The following BIRC5 variants were observed in gnomAD, a reference collection of about 807,000 sequenced individuals.
The protein encoded by BIRC5 is baculoviral IAP repeat-containing protein 5.
A neutral mutation model predicts 15.8 loss-of-function variants in BIRC5; 8 were observed. That is an observed-to-expected ratio of 0.51 (90% CI 0.30 to 0.91). The LOEUF is 0.91. BIRC5 is among the 40% of genes least tolerant of loss of function. BIRC5 has a pLI of 0.07. For synonymous variants in BIRC5, 56 were observed against 64.5 expected (o/e 0.87, Z 0.63); for missense variants, 163 against 178.6 (o/e 0.91, Z 0.50).
chr17:78,214,801 C>T lies in BIRC5; in HGVS notation c.221+12C>T. ...GATGACGACCCCATGTAAGTCTTCT[C>T]TGGCCAGCCTCGATGGGCTTTGTTT... On this transcript the variant is annotated intron_variant, in intron 2 of 3. Coordinates refer to ENST00000350051, the MANE Select transcript of BIRC5 (RefSeq NM_001168.3). 6.2e-7 allele frequency: 1 copy of T among 1,603,248 alleles called. No homozygotes were observed. The highest frequency in any genetic ancestry group is 1.1e-5 in the South Asian group (1 of 89,498).
At chr17:78,222,672 A>T (rs1442797583) in intron 3 of BIRC5, among the ~76,000 whole-genome samples, 1 of 152,208 alleles carries the variant, frequency 6.6e-6, no homozygotes, top group East Asian at 1.9e-4. Context: ...TCTCAAAAAA[A>T]AAGTAATTTT....
rs1234443373 is a variant in BIRC5, at chr17:78,224,917, C to T, written c.*1363C>T. ...AAACAACTGAAAATGCACTTCAGAC[C>T]CACTTATTTCTGCCACATCTGAGTC... On this transcript the variant is annotated 3_prime_UTR_variant, in exon 4 of 4. Transcript: ENST00000350051. 1 of 152,140 alleles carries T rather than the reference C, an allele frequency of 6.6e-6. No individual in the cohort carries two copies. Among genetic ancestry groups the T allele is most frequent in the African/African-American group, 2.4e-5 (1 of 41,434 alleles). The allele number at this position is 152,140 out of a possible 1,614,324, so 9.4% of individuals were successfully genotyped here. A position where few individuals can be genotyped will look rare whatever the true frequency, so the allele number is the denominator to read the frequency against.
chr17:78,221,239 C>G (rs774775428), intron 3 of BIRC5, among the ~76,000 whole-genome samples: 3 of 152,054 alleles, frequency 2.0e-5, no homozygotes, highest in Non-Finnish European at 4.4e-5. Context: ...AGTTGTAGAC[C>G]TGGGTGGCAG....
rs2076539301 is a variant in BIRC5, at chr17:78,224,814, A to G, written c.*1260A>G. The G allele has an allele frequency of 6.6e-6, 1 of 152,218 alleles. No homozygotes were observed. Among genetic ancestry groups the G allele is most frequent in the South Asian group, 2.1e-4 (1 of 4,830 alleles). The allele number at this position is 152,218 out of a possible 1,614,324, so 9.4% of individuals were successfully genotyped here. ...GCAGTGAGGATGAGCGTCCTGGCAG[A>G]GACGCAGTTGTCTCTGGGCGCTTGC... is the stretch of plus-strand genomic sequence containing the variant. On this transcript the variant is annotated 3_prime_UTR_variant, in exon 4 of 4. Coordinates refer to ENST00000350051, the MANE Select transcript of BIRC5 (RefSeq NM_001168.3).
At chr17:78,219,376 G>A (rs1313108301) in intron 3 of BIRC5, among the ~76,000 whole-genome samples, 3 of 152,084 alleles carry the variant, frequency 2.0e-5, no homozygotes, top group Admixed American at 6.6e-5. Context: ...GTAGAGACAG[G>A]GTTTTGCCAT....
At position 78,223,774 on chromosome 17, in the gene BIRC5, T is replaced by TTC. The variant is rs369792774; in HGVS notation, c.*236_*237dup. The TTC allele has an allele frequency of 2.0e-4, 190 of 961,998 alleles. No homozygotes were observed. The highest frequency in any genetic ancestry group is 6.5e-4 in the Middle Eastern group (2 of 3,062). 59.6% of individuals were successfully genotyped at this position (961,998 alleles called of 1,614,324 possible). A position where few individuals can be genotyped will look rare whatever the true frequency, so the allele number is the denominator to read the frequency against. On this transcript the variant is annotated 3_prime_UTR_variant, in exon 4 of 4. Coordinates refer to ENST00000350051, the MANE Select transcript of BIRC5 (RefSeq NM_001168.3). ...GGGTGCTGCTGGTAACAGTGGCTGC[T>TTC]TCTCTCTCTCTCTCTCTTTTTTGGG...
At position 78,223,917 on chromosome 17, in the gene BIRC5, G is replaced by A. The variant is rs2076531995; in HGVS notation, c.*363G>A. 1 of 347,954 alleles carries A rather than the reference G, an allele frequency of 2.9e-6. No individual in the cohort carries two copies. Among genetic ancestry groups the A allele is most frequent in the Non-Finnish European group, 5.2e-6 (1 of 190,994 alleles). 21.6% of individuals were successfully genotyped at this position (347,954 alleles called of 1,614,324 possible). A position where few individuals can be genotyped will look rare whatever the true frequency, so the allele number is the denominator to read the frequency against. ...GTTCGCGTGGGCAGAGCCTTCCACAGTGAATGTGTCTGGACCTCATGTTGT... is the reference window on the plus strand; with the variant it reads ...GTTCGCGTGGGCAGAGCCTTCCACAATGAATGTGTCTGGACCTCATGTTGT... On this transcript the variant is annotated 3_prime_UTR_variant, in exon 4 of 4. Coordinates refer to ENST00000350051, the MANE Select transcript of BIRC5 (RefSeq NM_001168.3).
chr17:78,222,660 C>T (rs181788804), intron 3 of BIRC5, among the ~76,000 whole-genome samples: 6 of 152,088 alleles, frequency 3.9e-5, no homozygotes, highest in Admixed American at 6.5e-5. Context: ...AGCGAAAGTC[C>T]GTCTCAAAAA....
In BIRC5 at chr17:78,217,417, C is replaced by T. The variant is rs570969893; in HGVS notation, c.339+636C>T. Among the ~76,000 whole-genome samples the T allele has an allele frequency of 2.6e-5, 4 of 151,160 alleles. No individual in the cohort carries two copies. In the East Asian group the frequency reaches 7.8e-4, roughly 30 times the overall value. ...TCTTGAACTCCTGACCTCAGGTGAT[C>T]CACCCGCCTCAGCCTCCCAAAGTGC... On this transcript the variant is annotated intron_variant, in intron 3 of 3. Transcript: ENST00000350051.
At chr17:78,216,810 AC>A (rs2076481581) in intron 3 of BIRC5, 29 bp downstream of exon 3, 1 of 1,548,998 alleles carries the variant, frequency 6.5e-7, no homozygotes, top group African/African-American at 1.4e-5. Flanking sequence ...AACTGCTCAA[AC>A]CCTGTTCAAT....
Position 78,216,662 on chromosome 17 carries a change from A to G in BIRC5, c.222-2A>G. 6.2e-7 allele frequency: 1 copy of G among 1,612,956 alleles called. No individual in the cohort carries two copies. Reference sequence around the variant, plus strand: ...TTTCCGCTGTTGTTTTGATTTTTCTAGAGAGGAACATAAAAAGCATTCGTC... The same window carrying G: ...TTTCCGCTGTTGTTTTGATTTTTCTGGAGAGGAACATAAAAAGCATTCGTC... On this transcript the variant is annotated splice_acceptor_variant, in intron 2 of 3. Coordinates refer to ENST00000350051, the MANE Select transcript of BIRC5 (RefSeq NM_001168.3). LOFTEE classifies it high-confidence loss of function.
At chr17:78,221,672 G>A (rs1599032425) in intron 3 of BIRC5, among the ~76,000 whole-genome samples, 1 of 152,124 alleles carries the variant, frequency 6.6e-6, no homozygotes, top group Non-Finnish European at 1.5e-5. Context: ...TGTTTGCTTC[G>A]CCCCTACCTT....
chr17:78,217,200 C>G (rs936555386), intron 3 of BIRC5, among the ~76,000 whole-genome samples: 1 of 144,114 alleles, frequency 6.9e-6, no homozygotes, highest in Non-Finnish European at 1.5e-5. Context: ...TTCTGAGACA[C>G]AGTTTCACTC....
chr17:78,221,647 C>T (rs1251127482), intron 3 of BIRC5, among the ~76,000 whole-genome samples: 3 of 152,128 alleles, frequency 2.0e-5, no homozygotes, highest in Non-Finnish European at 4.4e-5. Context: ...TTTTGTCTTT[C>T]AATAGCAAGA....
At chr17:78,220,545 C>G (rs988134094) in intron 3 of BIRC5, among the ~76,000 whole-genome samples, 5 of 152,096 alleles carry the variant, frequency 3.3e-5, no homozygotes, top group African/African-American at 1.2e-4. Flanking sequence ...ATAGTCAGAC[C>G]CAGCCACACT....
chr17:78,217,625 T>C (rs907288850), intron 3 of BIRC5, among the ~76,000 whole-genome samples: 1 of 151,912 alleles, frequency 6.6e-6, no homozygotes, highest in African/African-American at 2.4e-5. Context: ...GCCTCCCGAG[T>C]AGCTGGGACT....
chr17:78,224,767 A>G lies in BIRC5; in HGVS notation c.*1213A>G, dbSNP rs1019159702. On this transcript the variant is annotated 3_prime_UTR_variant, in exon 4 of 4. Coordinates refer to ENST00000350051, the MANE Select transcript of BIRC5 (RefSeq NM_001168.3). Reference sequence around the variant, plus strand: ...TTTCATCGTCGTCCCTAGCCTGCCAACAGCCATCTGCCCAGACAGCCGCAG... The same window carrying G: ...TTTCATCGTCGTCCCTAGCCTGCCAGCAGCCATCTGCCCAGACAGCCGCAG... 11 of 152,216 alleles carry G rather than the reference A, an allele frequency of 7.2e-5. No homozygotes were observed. Among genetic ancestry groups the G allele is most frequent in the Non-Finnish European group, 1.5e-4 (10 of 68,038 alleles). The allele number at this position is 152,216 out of a possible 1,614,324, so 9.4% of individuals were successfully genotyped here.
chr17:78,214,496 C>A, intron 1 of BIRC5, 69 bp downstream of exon 1: 1 of 1,406,292 alleles, frequency 7.1e-7, no homozygotes. Context: ...GCCACTGTGA[C>A]TGGGCCTCGG....
intron 2 of BIRC5, chr17:78,215,947 C>G (rs759084233): frequency 9.4e-7 from 1 of 1,066,220 alleles, no homozygotes. Context: ...ATGCCCTTCT[C>G]TGCCCTTAAT....
Sources: gnomAD v4.1 joint callset for allele counts (sites outside exome capture counted in the v4.1 genomes callset) on GRCh38, gnomAD v4.1.1 for gene constraint, MANE v1.5 for transcripts, NCBI Gene and HGNC (gene_info 2026-07-23, HGNC 2026-07-21) for gene names.